Variants in ACCSL observed in about 807,000 individuals in gnomAD.
ACCSL encodes 1-aminocyclopropane-1-carboxylate synthase homolog (inactive) like, also known as probable inactive 1-aminocyclopropane-1-carboxylate synthase-like protein 2.
In ACCSL, 55 loss-of-function variants were observed where a neutral mutation model predicts 61.7. The ratio of observed to expected loss-of-function variants is 0.89; its 90% CI spans 0.72 to 1.12. ACCSL has a LOEUF of 1.12. Ranked by LOEUF, ACCSL falls within the 50% of genes most tolerant of loss-of-function variation. The probability of loss-of-function intolerance (pLI) is 0.00; values close to 1 mark genes in which losing one functional copy is unlikely to be tolerated. For missense variants in ACCSL, 632 were observed against 698.0 expected, an observed-to-expected ratio of 0.91 and a Z score of 1.07; for synonymous variants, 258 against 264.3, an observed-to-expected ratio of 0.98 and a Z score of 0.23.
chr11:44,003,450 C>T, the ACCSL span, among the ~76,000 whole-genome samples: 2 of 152,054 alleles, frequency 1.3e-5, no homozygotes, highest in South Asian at 4.2e-4. Flanking sequence ...GCCAGGAGTT[C>T]AAGACCAGCC....
At chr11:43,940,291 T>G in the ACCSL span, among the ~76,000 whole-genome samples, 1 of 151,862 alleles carries the variant, frequency 6.6e-6, no homozygotes, top group African/African-American at 2.4e-5. Context: ...CCAGAATGAG[T>G]TTTGAAAAAC....
chr11:43,970,958 T>C, the ACCSL span, among the ~76,000 whole-genome samples: 2 of 152,208 alleles, frequency 1.3e-5, no homozygotes, highest in Non-Finnish European at 2.9e-5. Context: ...AACCCTTCTA[T>C]AGAAAGCTGC....
chr11:44,056,720 T>C (rs1952674270), intron 11 of ACCSL, among the ~76,000 whole-genome samples: 2 of 152,134 alleles, frequency 1.3e-5, no homozygotes, highest in Admixed American at 1.3e-4. Flanking sequence ...TAATCCCAGC[T>C]ACTTCGGGGG....
the ACCSL span, among the ~76,000 whole-genome samples, chr11:44,014,513 GA>G: frequency 1.3e-5 from 2 of 151,378 alleles, no homozygotes; most frequent in East Asian, 3.9e-4. Context: ...GAGAGAGAGA[GA>G]GAGAGAGAGA....
At chr11:43,942,592 G>C in the ACCSL span, 1 of 314,134 alleles carries the variant, frequency 3.2e-6, no homozygotes, top group South Asian at 2.3e-5. Context: ...GAGCCGTGTG[G>C]GCAGCCGCGG....
chr11:44,009,476 G>A, the ACCSL span, among the ~76,000 whole-genome samples: 3 of 152,164 alleles, frequency 2.0e-5, no homozygotes, highest in African/African-American at 4.8e-5. Context: ...CATATAAAAA[G>A]TGCTCAGGGC....
At chr11:43,931,320 T>A in the ACCSL span, among the ~76,000 whole-genome samples, 1 of 152,176 alleles carries the variant, frequency 6.6e-6, no homozygotes, top group Non-Finnish European at 1.5e-5. Context: ...CTCCCCTCCA[T>A]GCCCCACCGC....
the ACCSL span, among the ~76,000 whole-genome samples, chr11:43,922,785 C>A: frequency 1.7e-3 from 255 of 152,308 alleles, no homozygotes; most frequent in African/African-American, 5.8e-3. Flanking sequence ...GAATGACACC[C>A]AAACTCATAG....
At chr11:43,976,401 A>G in the ACCSL span, among the ~76,000 whole-genome samples, 1 of 152,186 alleles carries the variant, frequency 6.6e-6, no homozygotes, top group Non-Finnish European at 1.5e-5. Flanking sequence ...CATTCTACTT[A>G]TATATCCCTT....
chr11:44,014,199 C>T, the ACCSL span, among the ~76,000 whole-genome samples: 1 of 152,216 alleles, frequency 6.6e-6, no homozygotes, highest in Non-Finnish European at 1.5e-5. Flanking sequence ...CTTACTGCCT[C>T]ACAGTTTCTG....
chr11:44,055,854 C>G (rs1952667738), intron 9 of ACCSL, among the ~76,000 whole-genome samples, 186 bp from the exon 10 acceptor site: 1 of 152,254 alleles, frequency 6.6e-6, no homozygotes, highest in Non-Finnish European at 1.5e-5. Context: ...GTTCTGTGCC[C>G]TCTAGGTCTT....
chr11:44,024,735 C>T, the ACCSL span, among the ~76,000 whole-genome samples: 2 of 151,774 alleles, frequency 1.3e-5, no homozygotes, highest in African/African-American at 2.4e-5. Flanking sequence ...ATGTTCTATT[C>T]CATTGCTGGT....
the ACCSL span, among the ~76,000 whole-genome samples, chr11:43,963,789 T>C: frequency 2.0e-5 from 3 of 152,232 alleles, no homozygotes; most frequent in Non-Finnish European, 4.4e-5. Context: ...GCCTGGTGAA[T>C]GTGACAACTA....
At chr11:44,009,422 G>A in the ACCSL span, among the ~76,000 whole-genome samples, 1 of 152,178 alleles carries the variant, frequency 6.6e-6, no homozygotes, top group African/African-American at 2.4e-5. Flanking sequence ...AGAAATGCCA[G>A]AGAGCACAGA....
chr11:44,055,611 G>A (rs1952666461), intron 9 of ACCSL, among the ~76,000 whole-genome samples: 1 of 152,212 alleles, frequency 6.6e-6, no homozygotes, highest in African/African-American at 2.4e-5. Context: ...CCTTCTGAAG[G>A]GTAGTATCTG....
At chr11:43,958,409 C>G in the ACCSL span, among the ~76,000 whole-genome samples, 3 of 152,200 alleles carry the variant, frequency 2.0e-5, no homozygotes, top group Non-Finnish European at 4.4e-5. Flanking sequence ...CTCAAGCCAA[C>G]CAATCAGCAC....
At chr11:43,924,547 C>T in the ACCSL span, among the ~76,000 whole-genome samples, 1 of 152,218 alleles carries the variant, frequency 6.6e-6, no homozygotes, top group African/African-American at 2.4e-5. Flanking sequence ...AGGCCGGAGG[C>T]CGGAGGCCGG....
At chr11:43,996,231 C>G in the ACCSL span, among the ~76,000 whole-genome samples, 2 of 152,214 alleles carry the variant, frequency 1.3e-5, no homozygotes, top group African/African-American at 2.4e-5. Flanking sequence ...TCAAGCCCCC[C>G]ACTGGTAGTA....
At chr11:43,994,549 A>G in the ACCSL span, among the ~76,000 whole-genome samples, 3 of 151,796 alleles carry the variant, frequency 2.0e-5, no homozygotes, top group African/African-American at 7.3e-5. Flanking sequence ...TGTTGTGTGC[A>G]TTTTGATTTA....
Sources: gnomAD v4.1 joint callset for allele counts (sites outside exome capture counted in the v4.1 genomes callset) on GRCh38, gnomAD v4.1.1 for gene constraint, MANE v1.5 for transcripts, NCBI Gene and HGNC (gene_info 2026-07-23, HGNC 2026-07-21) for gene names.